The following GRID2 variants were observed in gnomAD, a reference collection of about 807,000 sequenced individuals.
GRID2 encodes glutamate receptor ionotropic, delta-2.
In GRID2, 33 loss-of-function variants were observed where a neutral mutation model predicts 114.8. The observed-to-expected ratio is 0.29, with a 90% CI of 0.22 to 0.38. The LOEUF is 0.38. Ranked by LOEUF, GRID2 falls within the 10% of genes least tolerant of loss-of-function variation. GRID2 has a pLI of 1.00. For synonymous variants in GRID2, 505 were observed against 449.9 expected (o/e 1.12, Z -1.55); for missense variants, 1,184 against 1,257.7 (o/e 0.94, Z 0.89).
intron 14 of GRID2, among the ~76,000 whole-genome samples, chr4:93,765,440 A>G (rs1280174385): frequency 6.6e-6 from 1 of 151,868 alleles, no homozygotes; most frequent in East Asian, 1.9e-4. Context: ...CAATACAAAG[A>G]GATTTTTGTG....
At chr4:93,680,178 A>G (rs1284473143) in intron 14 of GRID2, among the ~76,000 whole-genome samples, 1 of 152,124 alleles carries the variant, frequency 6.6e-6, no homozygotes, top group African/African-American at 2.4e-5. Flanking sequence ...GAAAATCTAG[A>G]AGAAATGGAT....
intron 9 of GRID2, among the ~76,000 whole-genome samples, chr4:93,405,271 C>CAT (rs1354322653): frequency 1.3e-5 from 2 of 152,030 alleles, no homozygotes; most frequent in Admixed American, 6.6e-5. Flanking sequence ...TTAGAGCAAC[C>CAT]ATAGTATATG....
At chr4:93,453,010 G>C (rs1163423275) in intron 10 of GRID2, among the ~76,000 whole-genome samples, 1 of 150,230 alleles carries the variant, frequency 6.7e-6, no homozygotes, top group Non-Finnish European at 1.5e-5. Context: ...TTTAACATTA[G>C]ATATATCTCC....
Position 92,315,145 on chromosome 4 carries a change from AAAT to A in GRID2, c.88+10409_88+10411del, listed in dbSNP as rs770129858. 2.6e-5 allele frequency among the ~76,000 whole-genome samples: 4 copies of A among 152,250 alleles called. No individual in the cohort carries two copies. The South Asian group carries it at 8.3e-4, about 32-fold the overall frequency. On this transcript the variant is annotated intron_variant, in intron 1 of 15. Transcript: ENST00000282020. ...GTTGTGTATTTTGATTTTGCACCTA[AAAT>A]AATAATATCTGTACTAAAATAAGCA...
At chr4:93,162,842 G>C (rs2149409604) in intron 4 of GRID2, among the ~76,000 whole-genome samples, 3 of 151,930 alleles carry the variant, frequency 2.0e-5, no homozygotes, top group Middle Eastern at 3.4e-3. Context: ...ACACCCAAGA[G>C]GCAATATGAG....
chr4:92,971,179 G>GC (rs1753490841), intron 2 of GRID2, among the ~76,000 whole-genome samples: 1 of 151,934 alleles, frequency 6.6e-6, no homozygotes. Context: ...GATAGGATAA[G>GC]CTTTAGAAAT....
chr4:93,284,297 A>G (rs1752927567), intron 8 of GRID2, among the ~76,000 whole-genome samples: 1 of 152,032 alleles, frequency 6.6e-6, no homozygotes, highest in African/African-American at 2.4e-5. Context: ...TCCAACCACT[A>G]AAGCCTGTCA....
chr4:93,247,631 C>T (rs748975361), intron 8 of GRID2, among the ~76,000 whole-genome samples: 9 of 152,020 alleles, frequency 5.9e-5, no homozygotes, highest in Non-Finnish European at 1.3e-4. Flanking sequence ...TGAAACTATA[C>T]CACCCACTTT....
intron 1 of GRID2, among the ~76,000 whole-genome samples, chr4:93,799,440 T>C (rs72659541): frequency 4.0e-4 from 59 of 146,640 alleles, no homozygotes; most frequent in Non-Finnish European, 4.1e-4. Flanking sequence ...TGCAGCCCCT[T>C]TTTTTTTTTT....
chr4:93,150,862 C>T (rs530220481), intron 4 of GRID2, among the ~76,000 whole-genome samples: 1 of 151,964 alleles, frequency 6.6e-6, no homozygotes, highest in African/African-American at 2.4e-5. Flanking sequence ...CGCGGTGGCT[C>T]TCGCCTGTAA....
intron 2 of GRID2, among the ~76,000 whole-genome samples, chr4:92,794,892 A>G (rs919315859): frequency 7.1e-6 from 1 of 140,024 alleles, no homozygotes; most frequent in Non-Finnish European, 1.5e-5. Context: ...ATATATATAT[A>G]TATATATATA....
intron 8 of GRID2, among the ~76,000 whole-genome samples, chr4:93,391,531 T>G (rs953198331): frequency 6.6e-6 from 1 of 152,180 alleles, no homozygotes; most frequent in African/African-American, 2.4e-5. Context: ...TTGTTCCATA[T>G]GAATACAAGT....
At chr4:93,581,930 C>G (rs1350614857) in intron 13 of GRID2, among the ~76,000 whole-genome samples, 1 of 152,138 alleles carries the variant, frequency 6.6e-6, no homozygotes, top group African/African-American at 2.4e-5. Context: ...AATGTCAACT[C>G]TTAAAAACAT....
chr4:92,755,469 G>A (rs957379316), intron 2 of GRID2, among the ~76,000 whole-genome samples: 2 of 152,234 alleles, frequency 1.3e-5, no homozygotes, highest in Admixed American at 6.5e-5. Context: ...TAACAGGATG[G>A]AGTGTCCTAT....
chr4:92,938,177 T>C (rs938539012), intron 2 of GRID2, among the ~76,000 whole-genome samples: 6 of 146,838 alleles, frequency 4.1e-5, no homozygotes, highest in African/African-American at 1.5e-4. Flanking sequence ...ACCACCCTGG[T>C]ATTGCTGAAA....
chr4:93,142,797 T>G (rs1164525716), intron 4 of GRID2, among the ~76,000 whole-genome samples: 1 of 152,216 alleles, frequency 6.6e-6, no homozygotes, highest in Admixed American at 6.5e-5. Flanking sequence ...TATCAAGAAC[T>G]GTGAAGGTTC....
At chr4:93,098,989 CTGTGTGTGTGTGTGTGTGTG>C (rs71579585) in intron 3 of GRID2, among the ~76,000 whole-genome samples, 1 of 138,908 alleles carries the variant, frequency 7.2e-6, no homozygotes, top group Non-Finnish European at 1.6e-5. Flanking sequence ...AGATCATTTC[CTGTGTGTGTGTGTGTGTGTG>C]TGTGTGTGTG....
At chr4:93,044,694 T>C (rs532985188) in intron 2 of GRID2, among the ~76,000 whole-genome samples, 1 of 152,288 alleles carries the variant, frequency 6.6e-6, no homozygotes, top group Non-Finnish European at 1.5e-5. Context: ...CTTGAAAGTT[T>C]TTACAAGGTG....
intron 1 of GRID2, among the ~76,000 whole-genome samples, chr4:93,805,864 AG>A (rs1207783846): frequency 6.6e-6 from 1 of 152,212 alleles, no homozygotes; most frequent in Non-Finnish European, 1.5e-5. Context: ...TGGGAAGCCG[AG>A]GCAAGTGGAT....
Sources: gnomAD v4.1 joint callset for allele counts (sites outside exome capture counted in the v4.1 genomes callset) on GRCh38, gnomAD v4.1.1 for gene constraint, MANE v1.5 for transcripts, NCBI Gene and HGNC (gene_info 2026-07-23, HGNC 2026-07-21) for gene names.